The following COL13A1 variants were observed in gnomAD, a reference collection of about 807,000 sequenced individuals.
COL13A1 encodes the protein collagen type XIII alpha 1 chain.
COL13A1 carries 89 observed loss-of-function variants against 130.9 expected under a neutral mutation model. That is an observed-to-expected ratio of 0.68 (90% CI 0.57 to 0.81). The LOEUF is 0.81. COL13A1 is among the 30% of genes least tolerant of loss of function. The pLI is 0.00. For synonymous variants in COL13A1, 402 were observed against 341.6 expected (o/e 1.18, Z -1.95); for missense variants, 879 against 934.6 (o/e 0.94, Z 0.78).
intron 10 of COL13A1, 44 bp downstream of exon 10, chr10:69,889,484 G>A: frequency 1.9e-6 from 3 of 1,603,232 alleles, no homozygotes; most frequent in Non-Finnish European, 1.7e-6. Flanking sequence ...GGTGGGGGTT[G>A]GCCCAGCCTC....
intron 9 of COL13A1, among the ~76,000 whole-genome samples, chr10:69,889,211 C>A (rs570580800): frequency 2.6e-5 from 4 of 152,152 alleles, no homozygotes; most frequent in Non-Finnish European, 5.9e-5. Context: ...TGAGGCCCAG[C>A]GAGGGGCAGT....
At chr10:69,948,340 C>T (rs1589721290) in intron 38 of COL13A1, among the ~76,000 whole-genome samples, 1 of 125,784 alleles carries the variant, frequency 8.0e-6, no homozygotes, top group South Asian at 2.8e-4. Flanking sequence ...CAGTGAATTC[C>T]ATCTCTTCAA....
chr10:69,925,683 G>A, intron 25 of COL13A1, 121 bp from the exon 26 acceptor site: 1 of 699,056 alleles, frequency 1.4e-6, no homozygotes, highest in Non-Finnish European at 2.5e-6. Flanking sequence ...CCCGCTGGCT[G>A]TTCTGGGTCC....
intron 2 of COL13A1, 70 bp downstream of exon 2, chr10:69,822,508 C>A: frequency 8.3e-7 from 1 of 1,204,126 alleles, no homozygotes; most frequent in Non-Finnish European, 1.1e-6. Context: ...TCCTGGTGGC[C>A]ATGCTCTAGC....
At chr10:69,866,791 A>G (rs2058562128) in intron 2 of COL13A1, among the ~76,000 whole-genome samples, 1 of 152,100 alleles carries the variant, frequency 6.6e-6, no homozygotes, top group East Asian at 1.9e-4. Context: ...AAAGGAGGAG[A>G]GAAGGAAGCC....
intron 3 of COL13A1, among the ~76,000 whole-genome samples, chr10:69,870,569 C>T (rs1036643841): frequency 6.6e-6 from 1 of 151,816 alleles, no homozygotes; most frequent in Non-Finnish European, 1.5e-5. Flanking sequence ...CATCCTCCTG[C>T]CTCAGTCTCC....
Position 69,918,294 on chromosome 10 carries a change from G to A in COL13A1, c.976G>A (p.Gly326Arg), listed in dbSNP as rs750921601. The change falls in exon 19 of 41, where the codon GGA (glycine) becomes AGA (arginine). Residue 326 changes from glycine to arginine, a missense_variant. Transcript: ENST00000645393. The part of the protein sequence containing the change: ...PGKHGAKGAP[G>R]IAVAGMKGEP... Reference sequence around the variant, plus strand: ...TTTCTCTCTCTGCCAGGGGGCGCCCGGAATTGCCGTGGCTGGGATGAAGGT... The same window carrying A: ...TTTCTCTCTCTGCCAGGGGGCGCCCAGAATTGCCGTGGCTGGGATGAAGGT... The A allele has an allele frequency of 9.3e-6, 15 of 1,612,760 alleles. No homozygotes were observed. Among genetic ancestry groups the A allele is most frequent in the African/African-American group, 6.7e-5 (5 of 74,868 alleles).
In COL13A1 at chr10:69,851,680, A is replaced by G. The variant is rs145476252; in HGVS notation, c.365-16118A>G. 1.7e-3 allele frequency among the ~76,000 whole-genome samples: 258 copies of G among 152,048 alleles called. 2 individuals carry two copies. Among genetic ancestry groups the G allele is most frequent in the African/African-American group, 5.9e-3 (244 of 41,454 alleles). ...GTTTTGTTTTGTTTTTTTGAGATGG[A>G]GTCTCACTCTGTTGTCCAGGCTGGA... On this transcript the variant is annotated intron_variant, in intron 2 of 40. Transcript: ENST00000645393.
intron 2 of COL13A1, among the ~76,000 whole-genome samples, chr10:69,863,907 T>A (rs1417290061): frequency 2.0e-5 from 3 of 152,028 alleles, no homozygotes; most frequent in Admixed American, 6.6e-5. Context: ...TGAAACTCCA[T>A]CCTTACAAAA....
At chr10:69,824,936 C>A (rs868496174) in intron 2 of COL13A1, among the ~76,000 whole-genome samples, 5 of 152,220 alleles carry the variant, frequency 3.3e-5, no homozygotes, top group South Asian at 2.1e-4. Context: ...CACACGGAAG[C>A]ATTTCACATC....
chr10:69,821,235 C>T (rs1462668569), intron 1 of COL13A1, among the ~76,000 whole-genome samples: 1 of 152,188 alleles, frequency 6.6e-6, no homozygotes, highest in African/African-American at 2.4e-5. Flanking sequence ...ATATTGGCAA[C>T]AAATTCAATA....
chr10:69,898,709 C>T lies in COL13A1; in HGVS notation c.697C>T (p.Leu233Phe), dbSNP rs1224444284. Residue 233 changes from leucine (L) to phenylalanine (F), a missense_variant, in exon 14 of 41, where the codon CTC (leucine) becomes TTC (phenylalanine). Physicochemically the swap from Leu to Phe is conservative, Grantham distance 22 (BLOSUM62 0). Around this residue, in one of 3 missense-constraint regions of COL13A1, gnomAD observed 715 missense variants for 721.0 expected, o/e 0.99. Transcript: ENST00000645393. ...GEYPHRLLPLLNSVRLAPPPV... is the reference protein window; with the variant it reads ...GEYPHRLLPLFNSVRLAPPPV... ...TCTTTCTCCTCAGCTGCTGCCTCTC[C>T]TCAATTCAGTGCGACTGGCTCCACC... 1 of 1,613,496 alleles carries T rather than the reference C, an allele frequency of 6.2e-7. No individual in the cohort carries two copies. The highest frequency in any genetic ancestry group is 8.5e-7 in the Non-Finnish European group (1 of 1,179,726).
At position 69,889,585 on chromosome 10, in the gene COL13A1, T is replaced by C. The variant is rs1589319066; in HGVS notation, c.603+145T>C. 3 of 1,038,674 alleles carry C rather than the reference T, an allele frequency of 2.9e-6. No homozygotes were observed. The South Asian group carries it at 4.3e-5, about 15-fold the overall frequency. 64.3% of individuals were successfully genotyped at this position (1,038,674 alleles called of 1,614,324 possible). ...TCACTCCCCAGCTGTGTAAACCACA[T>C]GCCCTGGATCCTCACATCAATATGC... is the stretch of plus-strand genomic sequence containing the variant. On this transcript the variant is annotated intron_variant, in intron 10 of 40. Coordinates refer to ENST00000645393, the MANE Select transcript of COL13A1 (RefSeq NM_001368882.1).
intron 17 of COL13A1, 131 bp from the exon 18 acceptor site, chr10:69,917,158 G>T: frequency 9.3e-7 from 1 of 1,078,528 alleles, no homozygotes; most frequent in Non-Finnish European, 1.3e-6. Flanking sequence ...CACCAGGGCA[G>T]GGTCCTCAGA....
Position 69,904,954 on chromosome 10 carries a change from C to A in COL13A1, c.880C>A (p.Pro294Thr). 1.9e-6 allele frequency: 3 copies of A among 1,553,652 alleles called. No homozygotes were observed. Among genetic ancestry groups the A allele is most frequent in the Non-Finnish European group, 2.6e-6 (3 of 1,148,756 alleles). ...GPPGLPGPPG[P>T]KGDPGIQGYH... ...ACAGGGCTTACCTGGGCCTCCTGGA[C>A]CAAAGGTGAGTGTCCTTCTGGGTGA... The change falls in exon 16 of 41, where the codon CCA becomes ACA. Residue 294 changes from proline (P) to threonine (T), a missense_variant. By Grantham distance (38) the Pro-to-Thr change is conservative (BLOSUM62 -1). Coordinates refer to ENST00000645393, the MANE Select transcript of COL13A1 (RefSeq NM_001368882.1).
chr10:69,843,786 TCTGTGTACATTTTCAGTGTCCTG>T (rs1348510075), intron 2 of COL13A1, among the ~76,000 whole-genome samples: 1 of 152,202 alleles, frequency 6.6e-6, no homozygotes, highest in Non-Finnish European at 1.5e-5. Flanking sequence ...TCCATTTGCT[TCTGTGTACATTTTCAGTGTCCTG>T]CTGTGTCCAC....
At chr10:69,876,181 T>A (rs754987513) in intron 5 of COL13A1, among the ~76,000 whole-genome samples, 17 of 152,238 alleles carry the variant, frequency 1.1e-4, no homozygotes, top group Admixed American at 1.3e-4. Flanking sequence ...GAGGTAGACA[T>A]GGTTTCCACC....
chr10:69,922,909 T>C, intron 23 of COL13A1, 115 bp downstream of exon 23: 1 of 642,784 alleles, frequency 1.6e-6, no homozygotes, highest in South Asian at 2.6e-5. Flanking sequence ...CTTCCCCTGC[T>C]CCAGATGTGT....
chr10:69,861,703 A>G (rs1436049973), intron 2 of COL13A1, among the ~76,000 whole-genome samples: 1 of 152,088 alleles, frequency 6.6e-6, no homozygotes, highest in Non-Finnish European at 1.5e-5. Flanking sequence ...TCATGTGCCA[A>G]TTTCTGCTGA....
Sources: allele counts gnomAD v4.1 joint callset (sites outside exome capture counted in the v4.1 genomes callset), GRCh38; gene constraint gnomAD v4.1.1; regional missense constraint gnomAD v4.1.1; transcripts MANE v1.5; gene names NCBI Gene and HGNC (gene_info 2026-07-23, HGNC 2026-07-21).